Variants in RAP1GAP2 observed in about 807,000 individuals in gnomAD.
RAP1GAP2 encodes RAP1 GTPase activating protein 2, also known as rap1 GTPase-activating protein 2.
In RAP1GAP2, 27 loss-of-function variants were observed where a neutral mutation model predicts 95.0. The observed-to-expected ratio is 0.28, with a 90% CI of 0.21 to 0.39. The LOEUF is 0.39. Ranked by LOEUF, RAP1GAP2 falls within the 10% of genes least tolerant of loss-of-function variation. The pLI is 1.00. For synonymous variants in RAP1GAP2, 373 were observed against 380.9 expected (o/e 0.98, Z 0.24); for missense variants, 771 against 970.0 (o/e 0.79, Z 2.72).
Position 2,963,755 on chromosome 17 carries a change from C to A in RAP1GAP2, c.280-101C>A. The A allele has an allele frequency of 9.1e-7, 1 of 1,097,364 alleles. No homozygotes were observed. Among genetic ancestry groups the A allele is most frequent in the East Asian group, 2.6e-5 (1 of 38,552 alleles). The allele number at this position is 1,097,364 out of a possible 1,614,324, so 68.0% of individuals were successfully genotyped here. A position where few individuals can be genotyped will look rare whatever the true frequency, so the allele number is the denominator to read the frequency against. ...CTTTGGCCTCAAGTACCAGTGGGTACCAGGCCCCACTCCTGGGAGCAGCGC... is the reference window on the plus strand; with the variant it reads ...CTTTGGCCTCAAGTACCAGTGGGTAACAGGCCCCACTCCTGGGAGCAGCGC... On this transcript the variant is annotated intron_variant, in intron 6 of 24. Coordinates refer to ENST00000254695, the MANE Select transcript of RAP1GAP2 (RefSeq NM_015085.5). This position sits in a 1 kb window ranked among gnomAD's most constrained non-coding sequence, Gnocchi z 4.8.
intron 10 of RAP1GAP2, among the ~76,000 whole-genome samples, chr17:2,982,908 C>T (rs533000872): frequency 3.9e-4 from 59 of 152,236 alleles, no homozygotes; most frequent in Non-Finnish European, 6.5e-4. Flanking sequence ...CTGAGATGCA[C>T]GCATGTGTGT....
intron 14 of RAP1GAP2, among the ~76,000 whole-genome samples, chr17:3,002,152 G>A (rs1385811447): frequency 2.0e-5 from 3 of 152,048 alleles, no homozygotes; most frequent in Non-Finnish European, 4.4e-5. Flanking sequence ...TGGTAGAGAC[G>A]GGGTTTCACC....
Position 3,008,249 on chromosome 17 carries a change from G to C in RAP1GAP2, c.1494+104G>C. ...TACTGATCCCAGAGCCCAAGGGCCA[G>C]CTGGAGGGGTGACAGGAAACGTATG... is the stretch of plus-strand genomic sequence containing the variant. On this transcript the variant is annotated intron_variant, in intron 17 of 24. Coordinates refer to ENST00000254695, the MANE Select transcript of RAP1GAP2 (RefSeq NM_015085.5). The surrounding 1 kb of genome is among the most constrained non-coding windows in gnomAD (Gnocchi z 4.2). The C allele has an allele frequency of 6.6e-7, 1 of 1,512,858 alleles. No homozygotes were observed. Among genetic ancestry groups the C allele is most frequent in the Non-Finnish European group, 9.0e-7 (1 of 1,112,948 alleles). The allele number at this position is 1,512,858 out of a possible 1,614,324, so 93.7% of individuals were successfully genotyped here. A position where few individuals can be genotyped will look rare whatever the true frequency, so the allele number is the denominator to read the frequency against.
intron 3 of RAP1GAP2, among the ~76,000 whole-genome samples, chr17:2,943,061 A>C (rs977683206): frequency 1.3e-5 from 2 of 151,950 alleles, no homozygotes; most frequent in Admixed American, 6.6e-5. Flanking sequence ...GAACCACCAC[A>C]CCTGACCTAG....
intron 2 of RAP1GAP2, among the ~76,000 whole-genome samples, chr17:2,890,685 CTTT>C (rs374485374): frequency 6.6e-5 from 9 of 136,188 alleles, no homozygotes; most frequent in South Asian, 2.4e-4. Flanking sequence ...TCAGTGTTTA[CTTT>C]TTTTTTTTTT....
chr17:2,785,445 C>T (rs1567646369), intron 1 of RAP1GAP2, among the ~76,000 whole-genome samples: 1 of 151,172 alleles, frequency 6.6e-6, no homozygotes, highest in African/African-American at 2.4e-5. Context: ...ACCTTGGCAC[C>T]ACCACCCGGC....
At chr17:2,849,275 G>A (rs114465440) in intron 2 of RAP1GAP2, among the ~76,000 whole-genome samples, 3,653 of 152,018 alleles carry the variant, frequency 0.024, 130 homozygotes, top group African/African-American at 0.083. Flanking sequence ...GGCCCCCCTC[G>A]CCCCCACCCA....
chr17:2,765,671 A>G (rs181690392), intron 1 of RAP1GAP2, among the ~76,000 whole-genome samples: 1 of 151,990 alleles, frequency 6.6e-6, no homozygotes, highest in African/African-American at 2.4e-5. Flanking sequence ...TGAACCCAGA[A>G]GGCAGAGCTT....
intron 2 of RAP1GAP2, among the ~76,000 whole-genome samples, chr17:2,818,968 A>G (rs544118755): frequency 2.6e-5 from 4 of 151,988 alleles, no homozygotes; most frequent in South Asian, 2.1e-4. Flanking sequence ...CACAGGATGG[A>G]TATATTACCA....
intron 2 of RAP1GAP2, among the ~76,000 whole-genome samples, chr17:2,839,703 A>G (rs1010558178): frequency 1.3e-5 from 2 of 152,192 alleles, no homozygotes; most frequent in African/African-American, 4.8e-5. Flanking sequence ...TTGTCACTCA[A>G]TTTAGATTTG....
intron 8 of RAP1GAP2, among the ~76,000 whole-genome samples, chr17:2,976,775 T>TA: frequency 6.6e-6 from 1 of 152,210 alleles, no homozygotes; most frequent in Non-Finnish European, 1.5e-5. Flanking sequence ...TAGATCTTAC[T>TA]AGTCTTTCAA....
At position 2,939,630 on chromosome 17, in the gene RAP1GAP2, C is replaced by T. The variant is rs12602570; in HGVS notation, c.166-18129C>T. Among the ~76,000 whole-genome samples the T allele has an allele frequency of 2.9e-3, 440 of 152,330 alleles. 15 individuals are homozygous for T. In the East Asian group the frequency reaches 0.067, roughly 23 times the overall value. On this transcript the variant is annotated intron_variant, in intron 3 of 24. Coordinates refer to ENST00000254695, the MANE Select transcript of RAP1GAP2 (RefSeq NM_015085.5). ...CAACACTGTGGCTGGTTTCCTGTGT[C>T]CCAGTCGTGCCTTCCGTCCGGCCAC...
intron 8 of RAP1GAP2, among the ~76,000 whole-genome samples, chr17:2,968,352 A>T (rs560482098): frequency 6.6e-6 from 1 of 152,232 alleles, no homozygotes; most frequent in Admixed American, 6.5e-5. Flanking sequence ...AAACTCTCAC[A>T]TAATTCAAAG....
At position 2,963,295 on chromosome 17, in the gene RAP1GAP2, G is replaced by T; in HGVS notation, c.247-135G>T. Reference sequence around the variant, plus strand: ...GATGTTAGATTCCAGAGCTGATTCTGAGCTGTTCTTCCATCGAATGTTCCT... The same window carrying T: ...GATGTTAGATTCCAGAGCTGATTCTTAGCTGTTCTTCCATCGAATGTTCCT... On this transcript the variant is annotated intron_variant, in intron 5 of 24. Coordinates refer to ENST00000254695, the MANE Select transcript of RAP1GAP2 (RefSeq NM_015085.5). This position sits in a 1 kb window ranked among gnomAD's most constrained non-coding sequence, Gnocchi z 4.8. The T allele has an allele frequency of 1.0e-6, 1 of 985,616 alleles. No individual in the cohort carries two copies. The highest frequency in any genetic ancestry group is 1.4e-5 in the South Asian group (1 of 72,642). 61.1% of individuals were successfully genotyped at this position (985,616 alleles called of 1,614,324 possible). A position where few individuals can be genotyped will look rare whatever the true frequency, so the allele number is the denominator to read the frequency against.
At chr17:2,861,570 C>T (rs558081027) in intron 2 of RAP1GAP2, among the ~76,000 whole-genome samples, 35 of 151,052 alleles carry the variant, frequency 2.3e-4, no homozygotes, top group African/African-American at 7.8e-4. Context: ...CAGGTTCAAG[C>T]GATTCTCCTA....
chr17:2,779,804 G>C (rs1223944206), intron 1 of RAP1GAP2, among the ~76,000 whole-genome samples: 1 of 151,914 alleles, frequency 6.6e-6, no homozygotes, highest in African/African-American at 2.4e-5. Context: ...GGGCTGGGGG[G>C]GGGCAGGAAA....
intron 1 of RAP1GAP2, among the ~76,000 whole-genome samples, chr17:2,778,699 C>A (rs1223334962): frequency 6.6e-6 from 1 of 152,230 alleles, no homozygotes. Context: ...GCTCCATCAC[C>A]TACTGCTGTG....
chr17:2,975,170 C>T (rs1399083814), intron 8 of RAP1GAP2, among the ~76,000 whole-genome samples: 1 of 152,054 alleles, frequency 6.6e-6, no homozygotes, highest in Non-Finnish European at 1.5e-5. Context: ...GCAGAGGTTG[C>T]AGTGAGCTGA....
At chr17:2,807,928 TC>T (rs2069589966) in intron 2 of RAP1GAP2, among the ~76,000 whole-genome samples, 1 of 151,946 alleles carries the variant, frequency 6.6e-6, no homozygotes. Flanking sequence ...CGTAAAGAGG[TC>T]CCCGGAGACC....
Sources: allele counts gnomAD v4.1 joint callset (sites outside exome capture counted in the v4.1 genomes callset), GRCh38; gene constraint gnomAD v4.1.1; non-coding constraint Gnocchi (gnomAD v3.1); transcripts MANE v1.5; gene names NCBI Gene and HGNC (gene_info 2026-07-23, HGNC 2026-07-21).